Variants in NMT2 observed in about 807,000 individuals in gnomAD.
The protein encoded by NMT2 is N-myristoyltransferase 2.
A neutral mutation model predicts 65.4 loss-of-function variants in NMT2; 35 were observed. The observed-to-expected ratio is 0.54, with a 90% CI of 0.41 to 0.71. The LOEUF (loss-of-function observed/expected upper bound fraction) is 0.71, where lower values mean the gene tolerates loss of function less well. Ranked by LOEUF, NMT2 falls within the 30% of genes least tolerant of loss-of-function variation. The probability of loss-of-function intolerance (pLI) is 0.00; values close to 1 mark genes in which losing one functional copy is unlikely to be tolerated. For synonymous variants in NMT2, 226 were observed against 231.8 expected, an observed-to-expected ratio of 0.98 and a Z score of 0.23; for missense variants, 489 against 611.3, an observed-to-expected ratio of 0.80 and a Z score of 2.11.
At chr10:15,161,753 A>G (rs181603648) in intron 1 of NMT2, among the ~76,000 whole-genome samples, 161 of 152,362 alleles carry the variant, frequency 1.1e-3, no homozygotes, top group African/African-American at 3.8e-3. Context: ...GGAATGTGAA[A>G]CATGTAATAG....
chr10:15,157,716 T>A (rs569801311), intron 1 of NMT2, among the ~76,000 whole-genome samples: 2 of 152,220 alleles, frequency 1.3e-5, no homozygotes, highest in African/African-American at 2.4e-5. Flanking sequence ...TGATTTGCAA[T>A]ATTCTTTAAG....
rs1231588702 is a variant in NMT2 at position 15,106,410 on chromosome 10, T to C, written c.*2785A>G. 6.5e-6 allele frequency: 1 copy of C among 153,316 alleles called. No individual in the cohort carries two copies. Among genetic ancestry groups the C allele is most frequent in the Non-Finnish European group, 1.5e-5 (1 of 68,812 alleles). The allele number at this position is 153,316 out of a possible 1,614,324, so 9.5% of individuals were successfully genotyped here. A position where few individuals can be genotyped will look rare whatever the true frequency, so the allele number is the denominator to read the frequency against. ...CAGGTTAAGTCAAAATCTCATTTAC[T>C]TAATGCTGGTATCTCAAACCCTGTT... On this transcript the variant is annotated 3_prime_UTR_variant, in exon 12 of 12. Coordinates refer to ENST00000378165, the MANE Select transcript of NMT2 (RefSeq NM_004808.3).
intron 1 of NMT2, among the ~76,000 whole-genome samples, chr10:15,149,829 C>A (rs1832742945): frequency 6.6e-6 from 1 of 151,858 alleles, no homozygotes; most frequent in Admixed American, 6.6e-5. Context: ...GGACTTGAAT[C>A]CAGACAGCCT....
At chr10:15,125,013 G>C (rs1846032856) in intron 8 of NMT2, among the ~76,000 whole-genome samples, 1 of 152,190 alleles carries the variant, frequency 6.6e-6, no homozygotes, top group Non-Finnish European at 1.5e-5. Flanking sequence ...GGTAATGTTA[G>C]AGGGGATGGC....
At chr10:15,109,667 G>A (rs1845441557) in intron 11 of NMT2, 35 bp downstream of exon 11, 5 of 1,510,234 alleles carry the variant, frequency 3.3e-6, no homozygotes, top group Admixed American at 4.4e-5. Flanking sequence ...AGGTACATTT[G>A]TTGAGTTTAC....
intron 9 of NMT2, among the ~76,000 whole-genome samples, chr10:15,116,001 C>T (rs1317762613): frequency 2.6e-5 from 4 of 152,266 alleles, no homozygotes; most frequent in East Asian, 1.9e-4. Context: ...ACTTCCATGC[C>T]CCTCTCATCA....
At chr10:15,112,168 T>C (rs1845539918) in intron 10 of NMT2, among the ~76,000 whole-genome samples, 1 of 115,294 alleles carries the variant, frequency 8.7e-6, no homozygotes, top group African/African-American at 3.0e-5. Flanking sequence ...TCCTAAGATA[T>C]GGGCTTTATA....
rs1845318819 is a variant in NMT2 at position 15,106,812 on chromosome 10, T to TG, written c.*2382dup. On this transcript the variant is annotated 3_prime_UTR_variant, in exon 12 of 12. Transcript: ENST00000378165. ...GCCATAGGCAATATGTAAATGAAAG[T>TG]GGCTGTGGCCAAGAGTGGTGGCTCA... 4.3e-6 allele frequency: 1 copy of TG among 230,532 alleles called. No individual in the cohort carries two copies. The highest frequency in any genetic ancestry group is 1.6e-4 in the South Asian group (1 of 6,352). 14.3% of individuals were successfully genotyped at this position (230,532 alleles called of 1,614,324 possible). A position where few individuals can be genotyped will look rare whatever the true frequency, so the allele number is the denominator to read the frequency against.
intron 9 of NMT2, among the ~76,000 whole-genome samples, chr10:15,115,813 C>T (rs921763391): frequency 6.6e-6 from 1 of 151,970 alleles, no homozygotes; most frequent in Non-Finnish European, 1.5e-5. Flanking sequence ...AAGTATACTC[C>T]AGAGCAAGGA....
At chr10:15,153,021 GC>G (rs1173343937) in intron 1 of NMT2, among the ~76,000 whole-genome samples, 1 of 152,154 alleles carries the variant, frequency 6.6e-6, no homozygotes, top group African/African-American at 2.4e-5. Flanking sequence ...ATATACAGCA[GC>G]CCCCCTTTTT....
intron 1 of NMT2, among the ~76,000 whole-genome samples, chr10:15,142,798 T>C (rs974155794): frequency 1.3e-5 from 2 of 152,188 alleles, no homozygotes; most frequent in Non-Finnish European, 2.9e-5. Flanking sequence ...CTCATCAATA[T>C]CTGACTAGCA....
chr10:15,162,057 A>G (rs1209902887), intron 1 of NMT2, among the ~76,000 whole-genome samples: 1 of 152,154 alleles, frequency 6.6e-6, no homozygotes, highest in Non-Finnish European at 1.5e-5. Flanking sequence ...GTTCGAGACC[A>G]GCCTAGACAA....
At position 15,108,391 on chromosome 10, in the gene NMT2, T is replaced by A; in HGVS notation, c.*804A>T. The A allele has an allele frequency of 1.8e-6, 1 of 562,862 alleles. No individual in the cohort carries two copies. The highest frequency in any genetic ancestry group is 8.8e-4 in the Middle Eastern group (1 of 1,132). The allele number at this position is 562,862 out of a possible 1,614,324, so 34.9% of individuals were successfully genotyped here. ...TAGTAGAGATGGGGTTTCACTATGT[T>A]GGCCAGAATGGTCTCGATCTCCTGA... On this transcript the variant is annotated 3_prime_UTR_variant, in exon 12 of 12. Transcript: ENST00000378165.
chr10:15,141,635 C>T, intron 1 of NMT2, 78 bp from the exon 2 acceptor site: 1 of 1,487,318 alleles, frequency 6.7e-7, no homozygotes, highest in Non-Finnish European at 9.0e-7. Context: ...TACAATTAAT[C>T]ATTTCAAAAA....
chr10:15,119,061 T>C (rs531115059), intron 9 of NMT2, among the ~76,000 whole-genome samples: 4 of 152,370 alleles, frequency 2.6e-5, no homozygotes, highest in East Asian at 3.9e-4. Context: ...GTAAAGCTGC[T>C]GGTGCCTTAG....
chr10:15,162,676 T>C (rs1329703479), intron 1 of NMT2, among the ~76,000 whole-genome samples: 1 of 151,742 alleles, frequency 6.6e-6, no homozygotes, highest in Non-Finnish European at 1.5e-5. Context: ...TTCATTAAAC[T>C]ATCAGTGGTG....
Position 15,106,308 on chromosome 10 carries a change from T to C in NMT2, c.*2887A>G, listed in dbSNP as rs1845301856. 1.3e-5 allele frequency: 2 copies of C among 156,138 alleles called. No individual in the cohort carries two copies. 9.7% of individuals were successfully genotyped at this position (156,138 alleles called of 1,614,324 possible). On this transcript the variant is annotated 3_prime_UTR_variant, in exon 12 of 12. Coordinates refer to ENST00000378165, the MANE Select transcript of NMT2 (RefSeq NM_004808.3). The stretch of plus-strand genomic sequence containing the variant: ...CCGTGCCTGGCTGATTCTGCAATTA[T>C]TTGAAAACCTACTTTGTATAGACTT...
At chr10:15,146,364 T>C (rs559291076) in intron 1 of NMT2, among the ~76,000 whole-genome samples, 2 of 152,360 alleles carry the variant, frequency 1.3e-5, no homozygotes, top group African/African-American at 4.8e-5. Flanking sequence ...AACAGAGCCA[T>C]GTAAACGCTT....
chr10:15,149,517 CCACCATCAT>C (rs1397155368), intron 1 of NMT2, among the ~76,000 whole-genome samples: 5 of 54,286 alleles, frequency 9.2e-5, no homozygotes, highest in East Asian at 1.0e-3. Context: ...ATCATTATCA[CCACCATCAT>C]CACCATCATC....
Sources: allele counts gnomAD v4.1 joint callset (sites outside exome capture counted in the v4.1 genomes callset), GRCh38; gene constraint gnomAD v4.1.1; transcripts MANE v1.5; gene names NCBI Gene and HGNC (gene_info 2026-07-23, HGNC 2026-07-21).